PRDM10: variants seen among roughly 807,000 people sequenced by gnomAD.
PRDM10 encodes PR/SET domain 10.
In PRDM10, 65 loss-of-function variants were observed where a neutral mutation model predicts 133.1. The observed-to-expected ratio is 0.49, with a 90% confidence interval of 0.40 to 0.60. The LOEUF is 0.60. Ranked by LOEUF, PRDM10 falls within the 20% of genes least tolerant of loss-of-function variation. The pLI, the probability that PRDM10 is intolerant of heterozygous loss-of-function variation, is 0.00. For synonymous variants in PRDM10, 582 were observed against 580.4 expected, an observed-to-expected ratio of 1.00 and a Z score of -0.04; for missense variants, 1,137 against 1,507.1, an observed-to-expected ratio of 0.75 and a Z score of 4.07.
chr11:129,912,455 A>G (rs1950215545), intron 17 of PRDM10, among the ~76,000 whole-genome samples: 2 of 151,976 alleles, frequency 1.3e-5, no homozygotes, highest in African/African-American at 4.8e-5. Context: ...AAATACAAAA[A>G]TTAGTCAGGT....
chr11:129,907,594 G>A (rs574593034), intron 19 of PRDM10, among the ~76,000 whole-genome samples: 3 of 151,920 alleles, frequency 2.0e-5, no homozygotes, highest in South Asian at 2.1e-4. Context: ...CAGTACAGGC[G>A]GGGTTTCATT....
At chr11:129,982,133 C>A (rs1390992502) in intron 1 of PRDM10, among the ~76,000 whole-genome samples, 1 of 151,692 alleles carries the variant, frequency 6.6e-6, no homozygotes, top group African/African-American at 2.4e-5. Context: ...GTGGCATGTG[C>A]CTGTGATCCC....
chr11:129,970,263 T>C (rs953914297), intron 1 of PRDM10, among the ~76,000 whole-genome samples: 1 of 152,208 alleles, frequency 6.6e-6, no homozygotes, highest in Non-Finnish European at 1.5e-5. Context: ...ACCACACATA[T>C]TGGTTCATTT....
intron 11 of PRDM10, among the ~76,000 whole-genome samples, chr11:129,925,662 GA>G (rs1274233869): frequency 2.0e-5 from 3 of 151,948 alleles, no homozygotes; most frequent in African/African-American, 7.3e-5. Context: ...AAATCCATGA[GA>G]AAAAGAATTT....
At chr11:129,960,262 G>A (rs1388284266) in intron 2 of PRDM10, among the ~76,000 whole-genome samples, 2 of 152,080 alleles carry the variant, frequency 1.3e-5, no homozygotes, top group Non-Finnish European at 2.9e-5. Context: ...TTATACTTTG[G>A]TCACACATAA....
At chr11:129,906,346 G>T (rs1211048665) in intron 19 of PRDM10, among the ~76,000 whole-genome samples, 1 of 152,150 alleles carries the variant, frequency 6.6e-6, no homozygotes, top group Non-Finnish European at 1.5e-5. Context: ...ATCGAGGCAT[G>T]TGAGAATAAC....
intron 1 of PRDM10, among the ~76,000 whole-genome samples, chr11:129,990,924 C>T (rs909992498): frequency 1.3e-5 from 2 of 152,138 alleles, no homozygotes; most frequent in African/African-American, 4.8e-5. Context: ...AACTCCGTCT[C>T]ACTGGCATAT....
intron 1 of PRDM10, among the ~76,000 whole-genome samples, chr11:129,996,513 A>G (rs7124551): frequency 0.059 from 9,046 of 152,312 alleles, 783 homozygotes; most frequent in African/African-American, 0.19. Context: ...CACACTCCAC[A>G]GCAGAGGGGA....
At chr11:130,000,654 A>T (rs1317458764) in intron 1 of PRDM10, among the ~76,000 whole-genome samples, 1 of 152,262 alleles carries the variant, frequency 6.6e-6, no homozygotes, top group Non-Finnish European at 1.5e-5. Context: ...TTGCCTTGCA[A>T]AACGAGGAAC....
At chr11:129,927,547 T>C (rs1950721530) in intron 11 of PRDM10, among the ~76,000 whole-genome samples, 1 of 152,074 alleles carries the variant, frequency 6.6e-6, no homozygotes, top group African/African-American at 2.4e-5. Flanking sequence ...TCAGTTTTGT[T>C]TTGGTCCATT....
chr11:129,987,210 T>C (rs1243996087), intron 1 of PRDM10, among the ~76,000 whole-genome samples: 1 of 152,214 alleles, frequency 6.6e-6, no homozygotes, highest in Admixed American at 6.5e-5. Flanking sequence ...TTGATCTATA[T>C]CCTTTATTGT....
chr11:129,986,076 A>G (rs868217433), intron 1 of PRDM10, among the ~76,000 whole-genome samples: 1 of 152,086 alleles, frequency 6.6e-6, no homozygotes, highest in African/African-American at 2.4e-5. Flanking sequence ...GTGGTTCTGC[A>G]ACCAGAATGT....
Position 129,931,096 on chromosome 11 carries a change from G to T in PRDM10, c.1450C>A (p.Gln484Lys). Residue 484 changes from glutamine to lysine, a missense_variant, in exon 11 of 21, where the codon CAG (glutamine) becomes AAG (lysine). Physicochemically the swap from Gln to Lys is moderately conservative, Grantham distance 53 (BLOSUM62 1). Transcript: ENST00000360871. ...HEPETHTLHL[Q>K]PQHEESVVPT... ...ACCACGCTCTCTTCATGCTGCGGCT[G>T]CAGGTGCAGGGTGTGAGTTTCTGGT... is the stretch of plus-strand genomic sequence containing the variant. 1.2e-6 allele frequency: 2 copies of T among 1,614,134 alleles called. No individual in the cohort carries two copies. The highest frequency in any genetic ancestry group is 1.7e-6 in the Non-Finnish European group (2 of 1,179,940).
Position 129,935,090 on chromosome 11 carries a change from C to T in PRDM10, c.1157+11G>A. 2.5e-6 allele frequency: 4 copies of T among 1,597,960 alleles called. No homozygotes were observed. Among genetic ancestry groups the T allele is most frequent in the Non-Finnish European group, 3.4e-6 (4 of 1,165,604 alleles). On this transcript the variant is annotated intron_variant, in intron 9 of 20. Transcript: ENST00000360871. ...GAACTCAGTCTGTGAGCATTTCTCC[C>T]TCATACATACCTGCTAAACACATCT...
rs114589543 is a variant in PRDM10, at chr11:129,981,918, T to C, written c.-119+20804A>G. ...TCTCAAAAAAAGTATAATAAATAAATAAATATTCCCCTGATGGAAATTTTC... is the reference window on the plus strand; with the variant it reads ...TCTCAAAAAAAGTATAATAAATAAACAAATATTCCCCTGATGGAAATTTTC... On this transcript the variant is annotated intron_variant, in intron 1 of 20. Coordinates refer to ENST00000360871, the MANE Select transcript of PRDM10 (RefSeq NM_199437.2). Among the ~76,000 whole-genome samples the C allele has an allele frequency of 8.6e-3, 1,312 of 151,814 alleles. 15 individuals carry two copies. The highest frequency in any genetic ancestry group is 0.03 in the African/African-American group (1,230 of 41,374).
intron 15 of PRDM10, 27 bp downstream of exon 15, chr11:129,917,100 A>G: frequency 1.3e-6 from 2 of 1,538,364 alleles, no homozygotes; most frequent in South Asian, 1.1e-5. Context: ...CCCCAGTGGC[A>G]TACCAATATG....
chr11:129,922,887 T>C (rs1950557627), intron 13 of PRDM10, among the ~76,000 whole-genome samples: 1 of 152,206 alleles, frequency 6.6e-6, no homozygotes, highest in Non-Finnish European at 1.5e-5. Flanking sequence ...AATTACGGGC[T>C]CTTATACTTC....
intron 20 of PRDM10, 119 bp downstream of exon 20, chr11:129,905,518 AT>A: frequency 2.5e-6 from 2 of 794,630 alleles, no homozygotes; most frequent in South Asian, 3.0e-5. Flanking sequence ...CTTTCAAAGA[AT>A]TCATCATCTA....
intron 19 of PRDM10, among the ~76,000 whole-genome samples, chr11:129,909,436 C>T (rs569832695): frequency 4.0e-5 from 6 of 150,034 alleles, no homozygotes; most frequent in East Asian, 2.0e-4. Flanking sequence ...GGTGACAGAG[C>T]GAGACCCCAT....
Sources: gnomAD v4.1 joint callset for allele counts (sites outside exome capture counted in the v4.1 genomes callset) on GRCh38, gnomAD v4.1.1 for gene constraint, MANE v1.5 for transcripts, NCBI Gene and HGNC (gene_info 2026-07-23, HGNC 2026-07-21) for gene names.